UTRN: variants seen among roughly 807,000 people sequenced by gnomAD.
UTRN encodes the protein utrophin, also known as dystrophin-related protein 1.
A neutral mutation model predicts 463.9 loss-of-function variants in UTRN; 283 were observed. The ratio of observed to expected loss-of-function variants is 0.61; its 90% CI spans 0.55 to 0.67. The LOEUF is 0.67. Among genes scored for constraint, UTRN ranks in the 30% least tolerant of loss-of-function variants. The pLI, the probability that UTRN is intolerant of heterozygous loss-of-function variation, is 0.00. For synonymous variants in UTRN, 1,442 were observed against 1,431.5 expected, an observed-to-expected ratio of 1.01 and a Z score of -0.17; for missense variants, 3,922 against 4,084.3, an observed-to-expected ratio of 0.96 and a Z score of 1.08.
At chr6:144,418,208 A>G (rs1784512392) in intron 3 of UTRN, among the ~76,000 whole-genome samples, 2 of 132,012 alleles carry the variant, frequency 1.5e-5, no homozygotes, top group African/African-American at 5.8e-5. Context: ...ATGAATAAAT[A>G]TTTATATTTC....
intron 52 of UTRN, among the ~76,000 whole-genome samples, chr6:144,687,885 A>T (rs1457064228): frequency 6.6e-6 from 1 of 152,094 alleles, no homozygotes; most frequent in African/African-American, 2.4e-5. Flanking sequence ...TTGTATTTAG[A>T]TGTCTAATCC....
rs1369785530 is a variant in UTRN, at chr6:144,444,869, TG to T, written c.1614+488del. ...ACCTTTGATTTAACACTGGATTAATTGCATATTTTTTCCACTAAGTGTTATC... is the reference window on the plus strand; with the variant it reads ...ACCTTTGATTTAACACTGGATTAATTCATATTTTTTCCACTAAGTGTTATC... On this transcript the variant is annotated intron_variant, in intron 14 of 74. Transcript: ENST00000367545. Among the ~76,000 whole-genome samples, 26 of 152,210 alleles carry T rather than the reference TG, an allele frequency of 1.7e-4. 1 individual carries two copies. Among genetic ancestry groups the T allele is most frequent in the Admixed American group, 1.6e-3 (24 of 15,274 alleles).
intron 51 of UTRN, among the ~76,000 whole-genome samples, chr6:144,654,902 G>C (rs534465849): frequency 6.6e-6 from 1 of 152,264 alleles, no homozygotes; most frequent in Admixed American, 6.5e-5. Context: ...TTCTCTTCCT[G>C]AACCCCTACC....
intron 37 of UTRN, among the ~76,000 whole-genome samples, chr6:144,515,839 A>G (rs1026260482): frequency 2.6e-5 from 4 of 152,188 alleles, no homozygotes; most frequent in African/African-American, 9.7e-5. Context: ...CTTAACTGGG[A>G]GACATTCTGT....
intron 51 of UTRN, among the ~76,000 whole-genome samples, chr6:144,579,269 T>G (rs547443088): frequency 1.3e-5 from 2 of 152,318 alleles, no homozygotes; most frequent in Admixed American, 1.3e-4. Flanking sequence ...ATCATCTGTA[T>G]TTTAGGAGGT....
At chr6:144,754,634 A>G in intron 56 of UTRN, 86 bp from the exon 57 acceptor site, 1 of 1,321,168 alleles carries the variant, frequency 7.6e-7, no homozygotes. Context: ...AGCATCATTT[A>G]TTATAGTCTT....
At chr6:144,746,022 T>C (rs1790703432) in intron 54 of UTRN, among the ~76,000 whole-genome samples, 1 of 151,620 alleles carries the variant, frequency 6.6e-6, no homozygotes, top group African/African-American at 2.4e-5. Context: ...TTTCCTGAGA[T>C]GGAATTTTGC....
intron 18 of UTRN, among the ~76,000 whole-genome samples, chr6:144,452,069 T>G (rs971848918): frequency 6.6e-6 from 1 of 152,196 alleles, no homozygotes; most frequent in African/African-American, 2.4e-5. Context: ...TTTGGGCACC[T>G]GGGTAGAGAA....
intron 60 of UTRN, among the ~76,000 whole-genome samples, chr6:144,777,757 A>G (rs759839055): frequency 4.6e-5 from 7 of 152,218 alleles, no homozygotes; most frequent in Non-Finnish European, 8.8e-5. Flanking sequence ...CATATGAGCC[A>G]GGCTATAAAA....
chr6:144,756,419 T>C (rs1356918110), intron 57 of UTRN, among the ~76,000 whole-genome samples: 1 of 152,166 alleles, frequency 6.6e-6, no homozygotes, highest in Admixed American at 6.6e-5. Context: ...TGGCCTTGTA[T>C]TATCTAACAC....
In UTRN at chr6:144,516,846, A is replaced by G; in HGVS notation, c.5439A>G (p.Leu1813=). ...AGAGTGCCCAGATTGAGGAAGTTCT[A>G]CAAAGAGGAGAAGAAATGTTACATC... is the stretch of plus-strand genomic sequence containing the variant. The part of the protein sequence containing the change: ...DEESAQIEEV[L]QRGEEMLHQP... The change falls in exon 39 of 75, where the codon CTA becomes CTG. Residue 1813 remains leucine, a synonymous_variant. Transcript: ENST00000367545. The G allele has an allele frequency of 6.6e-7, 1 of 1,516,708 alleles. No individual in the cohort carries two copies. The highest frequency in any genetic ancestry group is 8.8e-7 in the Non-Finnish European group (1 of 1,136,550). 94.0% of individuals were successfully genotyped at this position (1,516,708 alleles called of 1,614,324 possible).
At chr6:144,810,225 G>T (rs1778492918) in intron 65 of UTRN, among the ~76,000 whole-genome samples, 1 of 152,120 alleles carries the variant, frequency 6.6e-6, no homozygotes, top group Non-Finnish European at 1.5e-5. Context: ...ATGGGAGAAG[G>T]TCAGAGAGAT....
chr6:144,742,315 G>C (rs1278902402), intron 54 of UTRN, among the ~76,000 whole-genome samples: 4 of 152,134 alleles, frequency 2.6e-5, no homozygotes, highest in African/African-American at 9.7e-5. Context: ...ATAATGAGTG[G>C]TTGTCATCAG....
intron 51 of UTRN, among the ~76,000 whole-genome samples, chr6:144,588,153 G>A (rs1037738368): frequency 2.0e-5 from 3 of 152,100 alleles, no homozygotes; most frequent in Admixed American, 6.5e-5. Flanking sequence ...ACGGGATCAA[G>A]GAGAAAACAC....
At chr6:144,540,275 TG>T (rs1554283549) in intron 45 of UTRN, among the ~76,000 whole-genome samples, 1 of 152,188 alleles carries the variant, frequency 6.6e-6, no homozygotes, top group Non-Finnish European at 1.5e-5. Context: ...ATATCTTTTT[TG>T]TTTGACCTGG....
chr6:144,585,497 G>T (rs1802385201), intron 51 of UTRN, among the ~76,000 whole-genome samples: 1 of 152,032 alleles, frequency 6.6e-6, no homozygotes, highest in Non-Finnish European at 1.5e-5. Flanking sequence ...CAATTACTAT[G>T]AAATAAATAA....
intron 4 of UTRN, among the ~76,000 whole-genome samples, chr6:144,422,631 A>C (rs889199047): frequency 6.6e-6 from 1 of 152,250 alleles, no homozygotes; most frequent in South Asian, 2.1e-4. Context: ...AAAAAAAAAA[A>C]GTTGTTAAAA....
At chr6:144,650,007 T>A (rs1044441016) in intron 51 of UTRN, among the ~76,000 whole-genome samples, 10 of 151,864 alleles carry the variant, frequency 6.6e-5, no homozygotes, top group African/African-American at 2.2e-4. Context: ...GTAATTTATT[T>A]AAAAAAAAGA....
chr6:144,702,231 T>C lies in UTRN; in HGVS notation c.7809+1988T>C, dbSNP rs560771953. Among the ~76,000 whole-genome samples, 19 of 152,336 alleles carry C rather than the reference T, an allele frequency of 1.2e-4. No individual in the cohort carries two copies. The East Asian group carries it at 3.5e-3, about 28-fold the overall frequency. ...TTAGCACATAAAGTATGTATCAGCCTCTCAGTCTGTCCTGGCTGTATTTTG... is the reference window on the plus strand; with the variant it reads ...TTAGCACATAAAGTATGTATCAGCCCCTCAGTCTGTCCTGGCTGTATTTTG... On this transcript the variant is annotated intron_variant, in intron 53 of 74. Transcript: ENST00000367545.
Sources: gnomAD v4.1 joint callset for allele counts (sites outside exome capture counted in the v4.1 genomes callset) on GRCh38, gnomAD v4.1.1 for gene constraint, MANE v1.5 for transcripts, NCBI Gene and HGNC (gene_info 2026-07-23, HGNC 2026-07-21) for gene names.